The following DNMBP variants were observed in gnomAD, a reference collection of about 807,000 sequenced individuals.
DNMBP encodes dynamin binding protein, also known as dynamin-binding protein.
In DNMBP, 87 loss-of-function variants were observed where a neutral mutation model predicts 150.0. The ratio of observed to expected loss-of-function variants is 0.58; its 90% CI spans 0.49 to 0.69. The LOEUF (loss-of-function observed/expected upper bound fraction) is 0.69, where lower values mean the gene tolerates loss of function less well. DNMBP is among the 30% of genes least tolerant of loss of function. DNMBP has a pLI of 0.00. For missense variants in DNMBP, 1,774 were observed against 1,949.0 expected, an observed-to-expected ratio of 0.91 and a Z score of 1.69; for synonymous variants, 711 against 750.4, an observed-to-expected ratio of 0.95 and a Z score of 0.86.
intron 10 of DNMBP, among the ~76,000 whole-genome samples, chr10:99,895,938 G>A (rs2039646175): frequency 6.6e-6 from 1 of 152,090 alleles, no homozygotes; most frequent in East Asian, 1.9e-4. Flanking sequence ...TACACTTAAC[G>A]TTTCCTTCTT....
At chr10:99,972,215 G>C in intron 1 of DNMBP, 81 bp from the exon 2 acceptor site, 2 of 1,302,498 alleles carry the variant, frequency 1.5e-6, no homozygotes, top group Non-Finnish European at 2.1e-6. Context: ...GAATGATAAA[G>C]CTTAAGATAC....
At chr10:99,902,924 C>CT (rs1212595482) in intron 6 of DNMBP, among the ~76,000 whole-genome samples, 1 of 145,324 alleles carries the variant, frequency 6.9e-6, no homozygotes, top group Non-Finnish European at 1.5e-5. Flanking sequence ...AAGATTCTGT[C>CT]TTTAAAAAAA....
chr10:99,952,536 G>A (rs2040436502), intron 4 of DNMBP, among the ~76,000 whole-genome samples: 1 of 152,160 alleles, frequency 6.6e-6, no homozygotes. Context: ...AAATGCTCCT[G>A]CTGTTCAGTA....
chr10:99,895,122 C>A, intron 10 of DNMBP, 72 bp from the exon 11 acceptor site: 2 of 510,100 alleles, frequency 3.9e-6, no homozygotes, highest in Non-Finnish European at 6.6e-6. Context: ...AAGTAGCTTG[C>A]TTTTTTTTTT....
At chr10:99,877,988 G>A (rs1483243146) in intron 16 of DNMBP, among the ~76,000 whole-genome samples, 1 of 151,936 alleles carries the variant, frequency 6.6e-6, no homozygotes, top group Non-Finnish European at 1.5e-5. Context: ...GCATGATGGT[G>A]AACACCTGTG....
intron 2 of DNMBP, among the ~76,000 whole-genome samples, chr10:99,970,364 T>C (rs2040661697): frequency 6.6e-6 from 1 of 152,218 alleles, no homozygotes. Context: ...TCCCTAGGCT[T>C]ATTAATGAAA....
At chr10:99,952,806 T>C (rs1009613625) in intron 4 of DNMBP, among the ~76,000 whole-genome samples, 1 of 152,212 alleles carries the variant, frequency 6.6e-6, no homozygotes, top group Non-Finnish European at 1.5e-5. Context: ...CCATTCACTT[T>C]TATAGACCTA....
intron 16 of DNMBP, among the ~76,000 whole-genome samples, chr10:99,878,340 C>A (rs187831027): frequency 7.2e-5 from 11 of 152,308 alleles, no homozygotes; most frequent in Non-Finnish European, 1.2e-4. Flanking sequence ...GGGAGGGACA[C>A]GTGCCCCAAG....
At chr10:99,959,252 A>G (rs1044199229) in intron 3 of DNMBP, among the ~76,000 whole-genome samples, 20 of 152,244 alleles carry the variant, frequency 1.3e-4, no homozygotes, top group African/African-American at 4.1e-4. Context: ...CAAGTTTTAA[A>G]AATTCCCAGT....
Position 100,001,233 on chromosome 10 carries a change from T to TAAAA in DNMBP, c.-11+8601_-11+8604dup, listed in dbSNP as rs71009800. Among the ~76,000 whole-genome samples the TAAAA allele has an allele frequency of 1.4e-4, 3 of 21,732 alleles. 1 individual carries two copies. Among genetic ancestry groups the TAAAA allele is most frequent in the African/African-American group, 3.2e-4 (2 of 6,278 alleles). 14.3% of individuals were successfully genotyped at this position (21,732 alleles called of 152,430 possible). ...AGGACAGAGCAAGACTCCGTCTCAT[T>TAAAA]AAAAAAAAAAAAAAAAAAAAAAAAA... is the stretch of plus-strand genomic sequence containing the variant. On this transcript the variant is annotated intron_variant, in intron 1 of 16. Coordinates refer to ENST00000324109, the MANE Select transcript of DNMBP (RefSeq NM_015221.4).
At chr10:99,937,038 T>C (rs1490326804) in intron 4 of DNMBP, among the ~76,000 whole-genome samples, 2 of 152,080 alleles carry the variant, frequency 1.3e-5, no homozygotes. Flanking sequence ...GTAGCTGAGA[T>C]TACAGGTGCC....
intron 4 of DNMBP, among the ~76,000 whole-genome samples, chr10:99,943,977 G>T (rs1031190599): frequency 6.6e-6 from 1 of 152,140 alleles, no homozygotes; most frequent in African/African-American, 2.4e-5. Flanking sequence ...AGACATCACT[G>T]AAAATTACTT....
At chr10:99,942,287 A>AC (rs1314917568) in intron 4 of DNMBP, among the ~76,000 whole-genome samples, 4 of 150,194 alleles carry the variant, frequency 2.7e-5, no homozygotes, top group Non-Finnish European at 5.9e-5. Flanking sequence ...AAATATACTT[A>AC]GAGTTTTACT....
chr10:99,963,914 C>T (rs1235651088), intron 3 of DNMBP, among the ~76,000 whole-genome samples: 1 of 152,102 alleles, frequency 6.6e-6, no homozygotes, highest in East Asian at 1.9e-4. Flanking sequence ...CCTGAGAGTT[C>T]ACATTCATGG....
intron 16 of DNMBP, among the ~76,000 whole-genome samples, chr10:99,878,701 A>T (rs529698334): frequency 7.2e-5 from 11 of 152,190 alleles, no homozygotes; most frequent in Non-Finnish European, 1.5e-4. Context: ...ATCCTTCTGG[A>T]GATGAGCTCG....
At chr10:99,966,113 T>C (rs185389233) in intron 3 of DNMBP, among the ~76,000 whole-genome samples, 2 of 152,246 alleles carry the variant, frequency 1.3e-5, no homozygotes, top group Non-Finnish European at 2.9e-5. Flanking sequence ...AAAAGGCAAA[T>C]TGCATAGGTA....
intron 14 of DNMBP, among the ~76,000 whole-genome samples, chr10:99,885,318 G>T (rs1477942802): frequency 6.6e-6 from 1 of 152,136 alleles, no homozygotes; most frequent in African/African-American, 2.4e-5. Context: ...AGACCACCCT[G>T]GCCAACATGG....
chr10:99,901,091 A>G (rs2039731397), intron 6 of DNMBP, among the ~76,000 whole-genome samples: 1 of 152,090 alleles, frequency 6.6e-6, no homozygotes, highest in African/African-American at 2.4e-5. Context: ...GTGCGCTGCC[A>G]CACCTGGTTA....
intron 3 of DNMBP, among the ~76,000 whole-genome samples, chr10:99,958,597 T>C (rs553251163): frequency 6.6e-6 from 1 of 152,226 alleles, no homozygotes; most frequent in African/African-American, 2.4e-5. Flanking sequence ...CAAGAGAAAA[T>C]GAGAATTTTG....
Sources: allele counts gnomAD v4.1 joint callset (sites outside exome capture counted in the v4.1 genomes callset), GRCh38; gene constraint gnomAD v4.1.1; transcripts MANE v1.5; gene names NCBI Gene and HGNC (gene_info 2026-07-23, HGNC 2026-07-21).